KIF13B: variants seen among roughly 807,000 people sequenced by gnomAD.
KIF13B encodes the protein kinesin-like protein KIF13B.
A neutral mutation model predicts 222.0 loss-of-function variants in KIF13B; 127 were observed. That is an observed-to-expected ratio of 0.57 (90% confidence interval 0.50 to 0.66). The LOEUF is 0.66. Ranked by LOEUF, KIF13B falls within the 30% of genes least tolerant of loss-of-function variation. The pLI is 0.00. For missense variants in KIF13B, 2,173 were observed against 2,379.0 expected (o/e 0.91, Z 1.80); for synonymous variants, 976 against 919.0 (o/e 1.06, Z -1.12).
In KIF13B at chr8:29,140,631, G is replaced by T. The variant is rs768147127; in HGVS notation, c.2335-14C>A. 1.2e-6 allele frequency: 2 copies of T among 1,603,070 alleles called. No individual in the cohort carries two copies. Among genetic ancestry groups the T allele is most frequent in the Admixed American group, 3.4e-5 (2 of 58,888 alleles). On this transcript the variant is annotated splice_polypyrimidine_tract_variant and intron_variant, in intron 19 of 39. Coordinates refer to ENST00000524189, the MANE Select transcript of KIF13B (RefSeq NM_015254.4). ...TGATCGTATTACCTGTAAAGAGATT[G>T]AGAACACACAACTTCAGAAAAACCA...
At chr8:29,145,289 C>A (rs1021724492) in intron 18 of KIF13B, among the ~76,000 whole-genome samples, 9 of 152,288 alleles carry the variant, frequency 5.9e-5, no homozygotes, top group African/African-American at 1.7e-4. Context: ...AAATATCTAA[C>A]CCTGTACAAA....
intron 37 of KIF13B, among the ~76,000 whole-genome samples, chr8:29,076,427 C>A (rs1285416382): frequency 6.6e-6 from 1 of 152,240 alleles, no homozygotes. Flanking sequence ...CCTCCCTTCT[C>A]CCAGCCCTCG....
intron 32 of KIF13B, 65 bp from the exon 33 acceptor site, chr8:29,110,135 GCA>G: frequency 7.6e-7 from 1 of 1,318,916 alleles, no homozygotes; most frequent in East Asian, 2.5e-5. Context: ...GTACACGCGT[GCA>G]CACACAGACA....
At chr8:29,103,989 TCTCCCCCCATC>T (rs1049262422) in intron 35 of KIF13B, among the ~76,000 whole-genome samples, 3 of 151,984 alleles carry the variant, frequency 2.0e-5, no homozygotes, top group Non-Finnish European at 4.4e-5. Flanking sequence ...CCTGAAATGG[TCTCCCCCCATC>T]CTCACCCCAT....
chr8:29,096,047 T>G (rs980668441), intron 36 of KIF13B, among the ~76,000 whole-genome samples: 4 of 151,514 alleles, frequency 2.6e-5, no homozygotes, highest in African/African-American at 9.7e-5. Flanking sequence ...GATGGCGTGA[T>G]CTTGGCTCAC....
intron 3 of KIF13B, among the ~76,000 whole-genome samples, chr8:29,195,211 G>C (rs188049458): frequency 7.0e-4 from 107 of 152,198 alleles, no homozygotes; most frequent in African/African-American, 2.6e-3. Context: ...TCACGCCACC[G>C]CACTCCAGCC....
Position 29,131,096 on chromosome 8 carries a change from G to A in KIF13B, c.2943-431C>T, listed in dbSNP as rs547379699. Among the ~76,000 whole-genome samples, 6 of 152,124 alleles carry A rather than the reference G, an allele frequency of 3.9e-5. No individual in the cohort carries two copies. The East Asian group carries it at 5.8e-4, about 15-fold the overall frequency. On this transcript the variant is annotated intron_variant, in intron 23 of 39. Coordinates refer to ENST00000524189, the MANE Select transcript of KIF13B (RefSeq NM_015254.4). ...AGAAAAGCAAAAACCCCATGTTCTCGCTTATAAGTGGGAGCTAAACACTGG... is the reference window on the plus strand; with the variant it reads ...AGAAAAGCAAAAACCCCATGTTCTCACTTATAAGTGGGAGCTAAACACTGG...
At chr8:29,246,558 G>A (rs1586982144) in intron 1 of KIF13B, among the ~76,000 whole-genome samples, 1 of 152,084 alleles carries the variant, frequency 6.6e-6, no homozygotes, top group Non-Finnish European at 1.5e-5. Flanking sequence ...AAGATTCAAG[G>A]AAATCCTATT....
chr8:29,098,495 TG>T (rs1808642680), intron 36 of KIF13B, among the ~76,000 whole-genome samples: 1 of 147,720 alleles, frequency 6.8e-6, no homozygotes. Flanking sequence ...CCCAGCTACT[TG>T]GGGGGCTGAG....
intron 2 of KIF13B, among the ~76,000 whole-genome samples, chr8:29,199,087 T>TTTTTTTTTTTTTTTTTTTTA (rs1563781453): frequency 3.6e-4 from 55 of 151,734 alleles, no homozygotes; most frequent in African/African-American, 1.1e-3. Flanking sequence ...ATAAAATTTT[T>TTTTTTTTTTTTTTTTTTTTA]TAAAAAATAG....
chr8:29,247,641 C>T (rs968959479), intron 1 of KIF13B, among the ~76,000 whole-genome samples: 3 of 151,654 alleles, frequency 2.0e-5, no homozygotes, highest in Admixed American at 6.6e-5. Context: ...CCAGCCTGGG[C>T]AACACAGAGA....
At chr8:29,229,394 T>C (rs1483615931) in intron 2 of KIF13B, among the ~76,000 whole-genome samples, 4 of 152,200 alleles carry the variant, frequency 2.6e-5, no homozygotes, top group African/African-American at 9.6e-5. Flanking sequence ...TGTAACACCT[T>C]TGAGTCTCAT....
chr8:29,260,660 A>C (rs1049472502), intron 1 of KIF13B, among the ~76,000 whole-genome samples: 2 of 151,438 alleles, frequency 1.3e-5, no homozygotes, highest in Non-Finnish European at 2.9e-5. Context: ...CTTGTCGCCC[A>C]GGGTGGAGCA....
chr8:29,070,898 G>T lies in KIF13B; in HGVS notation c.5219-132C>A. On this transcript the variant is annotated intron_variant, in intron 39 of 39. Coordinates refer to ENST00000524189, the MANE Select transcript of KIF13B (RefSeq NM_015254.4). This position sits in a 1 kb window ranked among gnomAD's most constrained non-coding sequence, Gnocchi z 4.1. ...CACAGGCCCTACACAGCCAGCACTCGGACACTGGCCATTGTCTGGCAGGGA... is the reference window on the plus strand; with the variant it reads ...CACAGGCCCTACACAGCCAGCACTCTGACACTGGCCATTGTCTGGCAGGGA... 4.1e-6 allele frequency: 4 copies of T among 985,198 alleles called. No individual in the cohort carries two copies. The highest frequency in any genetic ancestry group is 4.5e-6 in the Non-Finnish European group (3 of 665,910). The allele number at this position is 985,198 out of a possible 1,614,324, so 61.0% of individuals were successfully genotyped here. A position where few individuals can be genotyped will look rare whatever the true frequency, so the allele number is the denominator to read the frequency against.
At position 29,153,064 on chromosome 8, in the gene KIF13B, A is replaced by G. The variant is rs557007352; in HGVS notation, c.1535+2662T>C. ...AAAGTCTCCAACGTATGCCTGTATAATAGATTATTATCCCCCATTTTTCAA... is the reference window on the plus strand; with the variant it reads ...AAAGTCTCCAACGTATGCCTGTATAGTAGATTATTATCCCCCATTTTTCAA... On this transcript the variant is annotated intron_variant, in intron 14 of 39. Transcript: ENST00000524189. 2.0e-5 allele frequency among the ~76,000 whole-genome samples: 3 copies of G among 152,308 alleles called. No individual in the cohort carries two copies. The South Asian group carries it at 6.2e-4, about 32-fold the overall frequency.
At chr8:29,081,514 G>A (rs1000541462) in intron 37 of KIF13B, among the ~76,000 whole-genome samples, 6 of 152,090 alleles carry the variant, frequency 3.9e-5, no homozygotes, top group South Asian at 4.1e-4. Flanking sequence ...TATTTCCGAC[G>A]GAACTTTAGT....
intron 37 of KIF13B, among the ~76,000 whole-genome samples, chr8:29,078,127 CAAAAAA>C (rs10530503): frequency 5.4e-5 from 4 of 74,306 alleles, no homozygotes; most frequent in African/African-American, 1.8e-4. Flanking sequence ...TACTAAAATC[CAAAAAA>C]AAAAAAAAAA....
chr8:29,076,503 A>G (rs1807566209), intron 37 of KIF13B, among the ~76,000 whole-genome samples: 1 of 152,158 alleles, frequency 6.6e-6, no homozygotes, highest in Non-Finnish European at 1.5e-5. Flanking sequence ...CAGGCCTTCT[A>G]GACAGAGCCT....
chr8:29,164,433 C>T (rs1811904717), intron 12 of KIF13B, among the ~76,000 whole-genome samples: 1 of 152,088 alleles, frequency 6.6e-6, no homozygotes. Context: ...AGTAACAGTC[C>T]CTATCTTGTT....
Sources: gnomAD v4.1 joint callset for allele counts (sites outside exome capture counted in the v4.1 genomes callset) on GRCh38, gnomAD v4.1.1 for gene constraint, Gnocchi (gnomAD v3.1) non-coding constraint, MANE v1.5 for transcripts, NCBI Gene and HGNC (gene_info 2026-07-23, HGNC 2026-07-21) for gene names.